Variants in XKRX observed in about 807,000 individuals in gnomAD.
XKRX encodes XK-related protein 2.
XKRX carries 11 observed loss-of-function variants against 22.4 expected under a neutral mutation model. That is an observed-to-expected ratio of 0.49 (90% CI 0.31 to 0.81). XKRX has a LOEUF of 0.81. Ranked by LOEUF, XKRX falls within the 40% of genes least tolerant of loss-of-function variation. XKRX has a pLI of 0.05. For missense variants in XKRX, 320 were observed against 336.5 expected (o/e 0.95, Z 0.38); for synonymous variants, 114 against 132.2 (o/e 0.86, Z 0.94).
chrX:100,930,360 C>G (rs1262577375), upstream of XKRX, among the ~76,000 whole-genome samples: 1 of 109,722 alleles, frequency 9.1e-6, no homozygotes, highest in Admixed American at 9.8e-5. Context: ...TGCCAATCTC[C>G]TTTTGCTGCA....
At chrX:100,911,883 C>T (rs2085408213), downstream of XKRX, among the ~76,000 whole-genome samples, 1 of 111,498 alleles carries the variant, frequency 9.0e-6, no homozygotes, top group Admixed American at 9.6e-5. Flanking sequence ...AACTACTCCA[C>T]ACCCCTAAAC....
At chrX:100,904,634 T>C in the XKRX span, among the ~76,000 whole-genome samples, 1 of 112,347 alleles carries the variant, frequency 8.9e-6, no homozygotes, top group South Asian at 3.7e-4. Context: ...GAAGTTCAAG[T>C]TTTCTGACCT....
chrX:100,891,500 T>G, the XKRX span, among the ~76,000 whole-genome samples: 1 of 110,285 alleles, frequency 9.1e-6, no homozygotes, highest in Non-Finnish European at 1.9e-5. Flanking sequence ...ACATATAGAC[T>G]AAGGAAACAG....
chrX:100,904,536 TA>T, the XKRX span, among the ~76,000 whole-genome samples: 8 of 112,495 alleles, frequency 7.1e-5, no homozygotes, highest in Admixed American at 7.6e-4. Context: ...ACTTCATTCT[TA>T]ATTAAATAAG....
At chrX:100,955,094 T>C in the XKRX span, among the ~76,000 whole-genome samples, 1 of 111,993 alleles carries the variant, frequency 8.9e-6, no homozygotes, top group East Asian at 2.8e-4. Flanking sequence ...ACTGTTATTT[T>C]AAAAAATGCG....
At chrX:100,900,435 C>G in the XKRX span, among the ~76,000 whole-genome samples, 6 of 110,684 alleles carry the variant, frequency 5.4e-5, no homozygotes, top group Admixed American at 1.9e-4. Flanking sequence ...TTGTCTTTGA[C>G]AATTACTTTT....
At chrX:100,934,657 A>G in the XKRX span, among the ~76,000 whole-genome samples, 2 of 112,019 alleles carry the variant, frequency 1.8e-5, no homozygotes, top group Admixed American at 9.5e-5. Flanking sequence ...TAACCACAAC[A>G]GGATTGTCTC....
intron 1 of XKRX, among the ~76,000 whole-genome samples, chrX:100,926,314 G>C (rs916211): frequency 0.24 from 26,419 of 110,392 alleles, 2,568 homozygotes; most frequent in African/African-American, 0.33. Flanking sequence ...CAATGACAGG[G>C]GGAAGACTAG....
At chrX:100,952,656 C>G in the XKRX span, among the ~76,000 whole-genome samples, 1 of 111,263 alleles carries the variant, frequency 9.0e-6, no homozygotes, top group Non-Finnish European at 1.9e-5. Context: ...CAAAAAAAAC[C>G]CTACTGATAC....
chrX:100,953,851 G>A, the XKRX span, among the ~76,000 whole-genome samples: 1 of 96,504 alleles, frequency 1.0e-5, no homozygotes, highest in Non-Finnish European at 2.0e-5. Flanking sequence ...GGAGGTTGCA[G>A]TGAGCCAAGA....
intron 1 of XKRX, among the ~76,000 whole-genome samples, chrX:100,924,041 G>A (rs1295031394): frequency 1.2e-4 from 11 of 92,278 alleles, no homozygotes; most frequent in Admixed American, 7.8e-4. Flanking sequence ...TAGTAGAGAC[G>A]GGTTTTCACC....
At chrX:100,936,369 T>C in the XKRX span, among the ~76,000 whole-genome samples, 1 of 106,331 alleles carries the variant, frequency 9.4e-6, no homozygotes, top group Admixed American at 1.0e-4. Context: ...GGTGAAACCC[T>C]ATCTCTACTA....
rs2085508456 is a variant in XKRX at position 100,928,557 on chromosome X, G to A, written c.-253C>T. The A allele has an allele frequency of 1.0e-6, 1 of 982,055 alleles. No individual in the cohort carries two copies. The allele number at this position is 982,055 out of a possible 1,213,427, so 80.9% of individuals were successfully genotyped here. A position where few individuals can be genotyped will look rare whatever the true frequency, so the allele number is the denominator to read the frequency against. ...CTCTTGATTGGCCCCGATTCCAATC[G>A]TCAACATACTTGCTGTGAAACTTGA... On this transcript the variant is annotated 5_prime_UTR_variant, in exon 1 of 3. The change creates a new upstream start codon in the 5' untranslated region. Coordinates refer to ENST00000372956, the MANE Select transcript of XKRX (RefSeq NM_212559.3).
At chrX:100,899,066 T>C in the XKRX span, among the ~76,000 whole-genome samples, 45 of 111,628 alleles carry the variant, frequency 4.0e-4, 1 homozygote, top group Non-Finnish European at 6.4e-4. Flanking sequence ...ACTCAAAGTA[T>C]CCAGTCTTCT....
chrX:100,917,678 G>GAAAGAAAGAAAGAA (rs1569454741), intron 2 of XKRX, among the ~76,000 whole-genome samples: 1 of 69,580 alleles, frequency 1.4e-5, no homozygotes, highest in African/African-American at 5.9e-5. Context: ...AGAAAGAAAA[G>GAAAGAAAGAAAGAA]AAAGAAAGAA....
chrX:100,952,646 CA>C, the XKRX span, among the ~76,000 whole-genome samples: 2 of 110,825 alleles, frequency 1.8e-5, no homozygotes, highest in African/African-American at 3.3e-5. Context: ...CAAAACAAAA[CA>C]AAAAAAACCC....
chrX:100,920,671 G>A (rs920660079), intron 2 of XKRX, among the ~76,000 whole-genome samples: 7 of 112,397 alleles, frequency 6.2e-5, no homozygotes, highest in African/African-American at 2.3e-4. Context: ...TTCCCACTCC[G>A]CAGAGGTAGT....
intron 2 of XKRX, among the ~76,000 whole-genome samples, chrX:100,920,073 C>T (rs1397635326): frequency 9.0e-6 from 1 of 110,875 alleles, no homozygotes; most frequent in Admixed American, 9.8e-5. Flanking sequence ...GGCCTCCAAA[C>T]ATCTGCAGAA....
At chrX:100,916,827 T>C (rs1185406187) in intron 2 of XKRX, among the ~76,000 whole-genome samples, 1 of 112,322 alleles carries the variant, frequency 8.9e-6, no homozygotes, top group Non-Finnish European at 1.9e-5. Flanking sequence ...GTGCATAAAA[T>C]ACCTAATTAG....
Sources: allele counts gnomAD v4.1 joint callset (sites outside exome capture counted in the v4.1 genomes callset), GRCh38; gene constraint gnomAD v4.1.1; transcripts MANE v1.5; gene names NCBI Gene and HGNC (gene_info 2026-07-23, HGNC 2026-07-21).